The following BTBD9 variants were observed in gnomAD, a reference collection of about 807,000 sequenced individuals.
BTBD9 encodes the protein BTB/POZ domain-containing protein 9.
A neutral mutation model predicts 64.3 loss-of-function variants in BTBD9; 49 were observed. That is an observed-to-expected ratio of 0.76 (90% CI 0.61 to 0.97). The LOEUF is 0.97. BTBD9 is among the 50% of genes least tolerant of loss of function. BTBD9 has a pLI of 0.00. For missense variants in BTBD9, 598 were observed against 762.1 expected (o/e 0.78, Z 2.53); for synonymous variants, 260 against 274.7 (o/e 0.95, Z 0.53).
Position 38,437,542 on chromosome 6 carries a change from AAAAG to A in BTBD9, c.1155-92453_1155-92450del, listed in dbSNP as rs141235389. 5.2e-3 allele frequency among the ~76,000 whole-genome samples: 799 copies of A among 152,340 alleles called. 4 individuals carry two copies. The highest frequency in any genetic ancestry group is 0.018 in the African/African-American group (743 of 41,576). On this transcript the variant is annotated intron_variant, in intron 6 of 10. Coordinates refer to ENST00000481247, the MANE Select transcript of BTBD9 (RefSeq NM_001099272.2). ...TCTGGGTTTATTGTTATTTCTTTGA[AAAAG>A]AAAGACATTTTGAGAAAGACTGTGA...
At chr6:38,560,699 C>A (rs1775228314) in intron 6 of BTBD9, among the ~76,000 whole-genome samples, 1 of 152,022 alleles carries the variant, frequency 6.6e-6, no homozygotes, top group Admixed American at 6.6e-5. Flanking sequence ...TTATAGTACC[C>A]AATAGCTATT....
intron 7 of BTBD9, among the ~76,000 whole-genome samples, chr6:38,302,648 T>G (rs1387135593): frequency 6.6e-6 from 1 of 151,682 alleles, no homozygotes; most frequent in Non-Finnish European, 1.5e-5. Flanking sequence ...TTCATTTCCT[T>G]TAGATATATA....
chr6:38,414,372 T>C (rs1452979638), intron 6 of BTBD9, among the ~76,000 whole-genome samples: 2 of 152,202 alleles, frequency 1.3e-5, no homozygotes, highest in Non-Finnish European at 2.9e-5. Context: ...TAATAGCTAA[T>C]AGTGGCTCTC....
intron 9 of BTBD9, among the ~76,000 whole-genome samples, chr6:38,247,109 T>C (rs968878179): frequency 4.6e-5 from 7 of 150,862 alleles, no homozygotes; most frequent in Non-Finnish European, 7.4e-5. Flanking sequence ...AAAAAACAAA[T>C]ATCAAACCTT....
chr6:38,353,508 G>C (rs1764604772), intron 6 of BTBD9, among the ~76,000 whole-genome samples: 1 of 152,156 alleles, frequency 6.6e-6, no homozygotes, highest in Admixed American at 6.5e-5. Flanking sequence ...CTCCGTCTCT[G>C]TTATGTGCTA....
chr6:38,422,565 A>G (rs912913222), intron 6 of BTBD9, among the ~76,000 whole-genome samples: 1 of 152,160 alleles, frequency 6.6e-6, no homozygotes, highest in Non-Finnish European at 1.5e-5. Flanking sequence ...GCTGATAGGG[A>G]TAAGAACCAA....
intron 9 of BTBD9, among the ~76,000 whole-genome samples, chr6:38,243,952 A>G (rs1431741107): frequency 6.6e-6 from 1 of 152,190 alleles, no homozygotes; most frequent in African/African-American, 2.4e-5. Context: ...GCAAGCGTCA[A>G]TCATGGTATA....
chr6:38,261,676 G>T (rs1041742082), intron 8 of BTBD9, among the ~76,000 whole-genome samples: 3 of 152,176 alleles, frequency 2.0e-5, no homozygotes, highest in Non-Finnish European at 4.4e-5. Flanking sequence ...TATTAGCCTA[G>T]TCTATCGATC....
chr6:38,414,596 G>A (rs987121815), intron 6 of BTBD9, among the ~76,000 whole-genome samples: 2 of 151,838 alleles, frequency 1.3e-5, no homozygotes, highest in Admixed American at 1.3e-4. Context: ...TCCTCAGCAT[G>A]CTGCCTGCCA....
intron 1 of BTBD9, among the ~76,000 whole-genome samples, chr6:38,617,409 T>C (rs965393855): frequency 3.3e-5 from 5 of 152,146 alleles, no homozygotes; most frequent in African/African-American, 9.7e-5. Flanking sequence ...CCAAGGCTAG[T>C]CCTGCTTCTC....
At chr6:38,204,918 T>G (rs529667871) in intron 9 of BTBD9, among the ~76,000 whole-genome samples, 1 of 151,976 alleles carries the variant, frequency 6.6e-6, no homozygotes, top group South Asian at 2.1e-4. Flanking sequence ...TAAAATGATA[T>G]GAAAAAATAA....
intron 6 of BTBD9, among the ~76,000 whole-genome samples, chr6:38,379,761 G>A (rs1033712308): frequency 5.9e-5 from 9 of 152,180 alleles, no homozygotes; most frequent in South Asian, 2.1e-4. Context: ...ACATATGCTC[G>A]GATATTAATT....
At chr6:38,178,509 A>G (rs1299767063) in intron 10 of BTBD9, among the ~76,000 whole-genome samples, 1 of 152,166 alleles carries the variant, frequency 6.6e-6, no homozygotes, top group Non-Finnish European at 1.5e-5. Flanking sequence ...CAGCAGACAC[A>G]TAAGCCAGGG....
chr6:38,635,630 G>A (rs760462803), intron 1 of BTBD9, among the ~76,000 whole-genome samples: 25 of 152,150 alleles, frequency 1.6e-4, no homozygotes, highest in Non-Finnish European at 3.4e-4. Flanking sequence ...GACATGATCA[G>A]TTCAGCCCCC....
chr6:38,558,406 T>A (rs1287157844), intron 6 of BTBD9, among the ~76,000 whole-genome samples: 4 of 152,236 alleles, frequency 2.6e-5, no homozygotes, highest in Admixed American at 2.0e-4. Flanking sequence ...CCTGCCTGAC[T>A]ACTCTGGCTA....
chr6:38,591,033 A>C (rs971627613), intron 4 of BTBD9, among the ~76,000 whole-genome samples: 1 of 152,154 alleles, frequency 6.6e-6, no homozygotes, highest in Non-Finnish European at 1.5e-5. Flanking sequence ...GTCTCTCTGA[A>C]TCAGTTTTCC....
At chr6:38,604,983 C>T (rs1262600828) in intron 1 of BTBD9, among the ~76,000 whole-genome samples, 1 of 152,094 alleles carries the variant, frequency 6.6e-6, no homozygotes, top group Non-Finnish European at 1.5e-5. Flanking sequence ...CAGGTGCACA[C>T]AACCATGCCT....
intron 4 of BTBD9, among the ~76,000 whole-genome samples, chr6:38,581,475 T>C (rs893267993): frequency 2.0e-5 from 3 of 152,210 alleles, no homozygotes; most frequent in African/African-American, 4.8e-5. Flanking sequence ...ATCAGTATTA[T>C]GGTTATTATT....
At chr6:38,382,668 TAAGA>T (rs956382686) in intron 6 of BTBD9, among the ~76,000 whole-genome samples, 5 of 151,970 alleles carry the variant, frequency 3.3e-5, no homozygotes, top group African/African-American at 9.7e-5. Context: ...TGACAAAATT[TAAGA>T]AAGATGGATT....
Sources: allele counts gnomAD v4.1 joint callset (sites outside exome capture counted in the v4.1 genomes callset), GRCh38; gene constraint gnomAD v4.1.1; transcripts MANE v1.5; gene names NCBI Gene and HGNC (gene_info 2026-07-23, HGNC 2026-07-21).